Variants in CHIT1 observed in about 807,000 individuals in gnomAD.
The protein encoded by CHIT1 is chitotriosidase-1.
CHIT1 carries 47 observed loss-of-function variants against 52.0 expected under a neutral mutation model. The ratio of observed to expected loss-of-function variants is 0.90; its 90% CI spans 0.71 to 1.15. The LOEUF is 1.15. Among genes scored for constraint, CHIT1 ranks in the 50% most tolerant of loss-of-function variants. CHIT1 has a pLI of 0.00. For synonymous variants in CHIT1, 242 were observed against 228.2 expected (o/e 1.06, Z -0.54); for missense variants, 569 against 583.0 (o/e 0.98, Z 0.25).
chr1:203,219,543 A>T, intron 8 of CHIT1, 121 bp downstream of exon 8: 1 of 1,249,130 alleles, frequency 8.0e-7, no homozygotes, highest in Non-Finnish European at 1.2e-6. Context: ...GATGGAATTT[A>T]CATGGCCAGA....
At chr1:203,223,712 C>A (rs187436559) in intron 4 of CHIT1, 52 bp from the exon 5 acceptor site, 15 of 1,579,202 alleles carry the variant, frequency 9.5e-6, no homozygotes, top group South Asian at 3.3e-5. Flanking sequence ...GACAGGAGGC[C>A]ACTCTTACTC....
In CHIT1 at chr1:203,225,039, T is replaced by C. The variant is rs368505073; in HGVS notation, c.314+9A>G. ...AGCTTTACCACACAGGTGACCACAG[T>C]CAACTAACTTCTGAGTGCCGAAATT... On this transcript the variant is annotated intron_variant, in intron 4 of 10. Transcript: ENST00000367229. 6 of 1,613,080 alleles carry C rather than the reference T, an allele frequency of 3.7e-6. No individual in the cohort carries two copies. The African/African-American group carries it at 5.3e-5, about 14-fold the overall frequency.
chr1:203,219,257 G>C lies in CHIT1; in HGVS notation c.988C>G (p.Gln330Glu), dbSNP rs372939622. 1.4e-4 allele frequency: 231 copies of C among 1,603,046 alleles called. No homozygotes were observed. Among genetic ancestry groups the C allele is most frequent in the Non-Finnish European group, 1.7e-4 (198 of 1,170,828 alleles). ...QKVPYIFRDN[Q>E]WVGFDDVESF... Reference sequence around the variant, plus strand: ...TCCACATCATCAAAGCCCACCCACTGGTTGTCCCGGAAGATGTAGGGCACC... The same window carrying C: ...TCCACATCATCAAAGCCCACCCACTCGTTGTCCCGGAAGATGTAGGGCACC... Residue 330 changes from glutamine (Q) to glutamate (E), a missense_variant, in exon 9 of 11, where the codon CAG (glutamine) becomes GAG (glutamate). Physicochemically the swap from Gln to Glu is conservative, Grantham distance 29. Transcript: ENST00000367229.
At chr1:203,217,894 G>C (rs200696379) in intron 9 of CHIT1, 29 bp from the exon 10 acceptor site, 3 of 1,596,320 alleles carry the variant, frequency 1.9e-6, no homozygotes, top group East Asian at 2.3e-5. Flanking sequence ...CAGTGGAGGA[G>C]CCCGGGGAAG....
chr1:203,226,251 G>T (rs1395415589), intron 2 of CHIT1, among the ~76,000 whole-genome samples: 1 of 152,210 alleles, frequency 6.6e-6, no homozygotes, highest in Non-Finnish European at 1.5e-5. Context: ...AAAGTTGCTA[G>T]TCTCAGAGTC....
chr1:203,230,012 C>A (rs1657076331), upstream of CHIT1: 1 of 321,084 alleles, frequency 3.1e-6, no homozygotes, highest in African/African-American at 2.1e-5. Flanking sequence ...AGAAATGACT[C>A]ACGAGTCAGG....
rs1366699113 is a variant in CHIT1 at position 203,222,327 on chromosome 1, T to C, written c.606-2A>G. 3 of 1,614,152 alleles carry C rather than the reference T, an allele frequency of 1.9e-6. No homozygotes were observed. The highest frequency in any genetic ancestry group is 2.5e-6 in the Non-Finnish European group (3 of 1,180,022). ...ATAAGGTTGACAAAATCCAGGTTCCTGCAGGAGGCATGGAAGAGGAGGTGA... is the reference window on the plus strand; with the variant it reads ...ATAAGGTTGACAAAATCCAGGTTCCCGCAGGAGGCATGGAAGAGGAGGTGA... On this transcript the variant is annotated splice_acceptor_variant, in intron 6 of 10. Coordinates refer to ENST00000367229, the MANE Select transcript of CHIT1 (RefSeq NM_003465.3). LOFTEE classifies it high-confidence loss of function.
At position 203,216,995 on chromosome 1, in the gene CHIT1, C is replaced by A. The variant is rs202003206; in HGVS notation, c.1295G>T (p.Arg432Leu). ...GKADGLYPNPRERSSFYSCAA... is the reference protein window; with the variant it reads ...GKADGLYPNPLERSSFYSCAA... ...ACAGCTGTAGAAGCTGGACCGTTCC[C>A]GAGGATTGGGATAGAGCCCATCAGC... Residue 432 changes from arginine (R) to leucine (L), a missense_variant, in exon 11 of 11, where the codon CGG becomes CTG. Arg to Leu is a moderately radical substitution (Grantham distance 102). Transcript: ENST00000367229. 6.2e-7 allele frequency: 1 copy of A among 1,614,172 alleles called. No homozygotes were observed.
chr1:203,219,639 C>A, intron 8 of CHIT1, 25 bp downstream of exon 8: 1 of 1,613,528 alleles, frequency 6.2e-7, no homozygotes, highest in East Asian at 2.2e-5. Context: ...CTCACAATAC[C>A]CAGGGTGGTT....
chr1:203,217,413 G>T, intron 10 of CHIT1: 1 of 1,479,106 alleles, frequency 6.8e-7, no homozygotes, highest in Non-Finnish European at 9.0e-7. Flanking sequence ...AGGTGGGGGT[G>T]CCACGCTGCA....
intron 9 of CHIT1, 126 bp from the exon 10 acceptor site, chr1:203,217,991 G>T: frequency 6.5e-7 from 1 of 1,537,124 alleles, no homozygotes; most frequent in Admixed American, 2.0e-5. Context: ...AGTGGCTGTA[G>T]ATTCTGGAGA....
In CHIT1 at chr1:203,225,079, C is replaced by A; in HGVS notation, c.283G>T (p.Ala95Ser). ...GTGCCGAAATTCCAGCCTCCGATGG[C>A]TAACAGGGTCTTCAGCTTGGGATTC... ...KMNPKLKTLL[A>S]IGGWNFGTQK... is the part of the protein sequence containing the mutation. The change falls in exon 4 of 11, where the codon GCC becomes TCC. Residue 95 changes from alanine to serine, a missense_variant. Transcript: ENST00000367229. The A allele has an allele frequency of 1.2e-6, 2 of 1,613,856 alleles. No homozygotes were observed. The highest frequency in any genetic ancestry group is 8.5e-7 in the Non-Finnish European group (1 of 1,179,956).
At chr1:203,218,552 C>T (rs1278624552) in intron 9 of CHIT1, among the ~76,000 whole-genome samples, 11 of 152,166 alleles carry the variant, frequency 7.2e-5, no homozygotes, top group Non-Finnish European at 1.6e-4. Context: ...ACTTTCTCTG[C>T]ACCCGCGTCT....
rs1657008696 is a variant in CHIT1 at position 203,228,534 on chromosome 1, C to T, written c.54G>A (p.Trp18Ter). Residue 18 changes from tryptophan (W) to a stop codon, truncating the protein, a stop_gained and splice_region_variant, in exon 2 of 11, where the codon TGG becomes TGA. Transcript: ENST00000367229. LOFTEE classifies it high-confidence loss of function. Reference protein sequence around the residue: ...AGFMVLLMIPWGSAAKLVCYF... With the variant: ...AGFMVLLMIP ...GCAGCCAAGAAAGAGGCTACTTACC[C>T]CATGGGATCATCAGCAGGACCATGA... 1 of 1,589,712 alleles carries T rather than the reference C, an allele frequency of 6.3e-7. No homozygotes were observed. The highest frequency in any genetic ancestry group is 1.1e-5 in the South Asian group (1 of 87,750).
Position 203,223,308 on chromosome 1 carries a change from C to T in CHIT1, c.481-49G>A, listed in dbSNP as rs756122031. The T allele has an allele frequency of 1.9e-6, 3 of 1,605,684 alleles. No individual in the cohort carries two copies. In the African/African-American group the frequency reaches 4.1e-5, roughly 22 times the overall value. ...AACACAGGGGCGCGCACCAGGCAGG[C>T]AGCCCCTGTGAGCCCCAGGTAGATG... On this transcript the variant is annotated intron_variant, in intron 5 of 10. Coordinates refer to ENST00000367229, the MANE Select transcript of CHIT1 (RefSeq NM_003465.3).
At position 203,216,362 on chromosome 1, in the gene CHIT1, G is replaced by A. The variant is rs902822888; in HGVS notation, c.*527C>T. On this transcript the variant is annotated 3_prime_UTR_variant, in exon 11 of 11. Transcript: ENST00000367229. ...CTGCTCGCAGAGCGCTTAAATCAGG[G>A]AAAAGTTCTTCTCTGCTGCCATCTA... 1.3e-5 allele frequency: 6 copies of A among 453,986 alleles called. No homozygotes were observed. Among genetic ancestry groups the A allele is most frequent in the Non-Finnish European group, 2.6e-5 (6 of 226,818 alleles). 28.1% of individuals were successfully genotyped at this position (453,986 alleles called of 1,614,324 possible). A position where few individuals can be genotyped will look rare whatever the true frequency, so the allele number is the denominator to read the frequency against.
chr1:203,224,048 G>A lies in CHIT1; in HGVS notation c.315-388C>T, dbSNP rs567016598. On this transcript the variant is annotated intron_variant, in intron 4 of 10. Transcript: ENST00000367229. ...TTAGTTTCTCTAATTCCTCTTGTAAGGTTTTTCTTTAAGTAAGATTTTTCT... is the reference window on the plus strand; with the variant it reads ...TTAGTTTCTCTAATTCCTCTTGTAAAGTTTTTCTTTAAGTAAGATTTTTCT... 8.9e-4 allele frequency among the ~76,000 whole-genome samples: 135 copies of A among 152,198 alleles called. 1 individual carries two copies. Among genetic ancestry groups the A allele is most frequent in the African/African-American group, 3.2e-3 (134 of 41,538 alleles).
intron 8 of CHIT1, 142 bp from the exon 9 acceptor site, chr1:203,219,471 A>G (rs1332605519): frequency 1.1e-6 from 1 of 877,426 alleles, no homozygotes; most frequent in African/African-American, 1.7e-5. Context: ...GCAGTGACCT[A>G]GAATTCTGGA....
chr1:203,222,222 C>T lies in CHIT1; in HGVS notation c.709G>A (p.Ala237Thr). The change falls in exon 7 of 11, where the codon GCA (alanine) becomes ACA (threonine). Residue 237 changes from alanine (A) to threonine (T), a missense_variant. Coordinates refer to ENST00000367229, the MANE Select transcript of CHIT1 (RefSeq NM_003465.3). The stretch of plus-strand genomic sequence containing the variant: ...CGTACCACGTTGAGGCTGGCTGCTG[C>T]ACCACTCTCTTCTTGCCTCTTGTAG... ...PLYKRQEESG[A>T]AASLNVDAAV... is the part of the protein sequence containing the mutation. The T allele has an allele frequency of 6.2e-7, 1 of 1,614,136 alleles. No homozygotes were observed. Among genetic ancestry groups the T allele is most frequent in the Non-Finnish European group, 8.5e-7 (1 of 1,180,038 alleles).
Sources: allele counts gnomAD v4.1 joint callset (sites outside exome capture counted in the v4.1 genomes callset), GRCh38; gene constraint gnomAD v4.1.1; transcripts MANE v1.5; gene names NCBI Gene and HGNC (gene_info 2026-07-23, HGNC 2026-07-21).